The following NECTIN3 variants were observed in gnomAD, a reference collection of about 807,000 sequenced individuals.
The protein encoded by NECTIN3 is nectin-3.
Under a neutral mutation model 49.4 loss-of-function variants are expected in NECTIN3, and 8 were observed. The ratio of observed to expected loss-of-function variants is 0.16; its 90% CI spans 0.10 to 0.29. The LOEUF (loss-of-function observed/expected upper bound fraction) is 0.29, where lower values mean the gene tolerates loss of function less well. NECTIN3 is among the 10% of genes least tolerant of loss of function. The pLI, the probability that NECTIN3 is intolerant of heterozygous loss-of-function variation, is 1.00. For synonymous variants in NECTIN3, 277 were observed against 241.1 expected (o/e 1.15, Z -1.38); for missense variants, 581 against 654.6 (o/e 0.89, Z 1.23).
At chr3:111,164,065 G>A (rs1576172795) in intron 7 of NECTIN3, among the ~76,000 whole-genome samples, 1 of 151,582 alleles carries the variant, frequency 6.6e-6, no homozygotes, top group African/African-American at 2.4e-5. Flanking sequence ...AGTACCAAAT[G>A]TGCGAAGTAT....
chr3:111,105,346 T>G (rs2033132149), intron 1 of NECTIN3, among the ~76,000 whole-genome samples: 1 of 152,048 alleles, frequency 6.6e-6, no homozygotes. Context: ...TTGCCCAGGC[T>G]GGTCTTAAAT....
upstream of NECTIN3, among the ~76,000 whole-genome samples, chr3:111,187,676 TAC>T (rs1327045346): frequency 3.3e-5 from 5 of 152,322 alleles, no homozygotes; most frequent in Admixed American, 1.3e-4. Flanking sequence ...AAATGCATAT[TAC>T]AGAGTGAAAG....
intron 7 of NECTIN3, among the ~76,000 whole-genome samples, chr3:111,152,788 T>C (rs2035026537): frequency 6.6e-6 from 1 of 151,980 alleles, no homozygotes; most frequent in South Asian, 2.1e-4. Context: ...TTTAAGGATA[T>C]AAGTTCAAGA....
rs2034592318 is a variant in NECTIN3, at chr3:111,136,772, G to T, written c.*2557G>T. 5 of 931,144 alleles carry T rather than the reference G, an allele frequency of 5.4e-6. No individual in the cohort carries two copies. The highest frequency in any genetic ancestry group is 5.0e-5 in the South Asian group (1 of 20,142). The allele number at this position is 931,144 out of a possible 1,614,324, so 57.7% of individuals were successfully genotyped here. On this transcript the variant is annotated 3_prime_UTR_variant, in exon 6 of 6. Transcript: ENST00000485303. ...TAGCATTTTGTAAATTCACTTGAGA[G>T]TTTTCTTTCATACTGGTTAAAATAT... is the stretch of plus-strand genomic sequence containing the variant.
intron 7 of NECTIN3, among the ~76,000 whole-genome samples, chr3:111,167,169 A>G (rs1871024): frequency 0.022 from 3,280 of 152,284 alleles, 115 homozygotes; most frequent in African/African-American, 0.074. Flanking sequence ...AATTTTTGCA[A>G]TGAGTCAAAA....
chr3:111,092,482 A>G (rs1449580938), intron 1 of NECTIN3, among the ~76,000 whole-genome samples: 1 of 152,166 alleles, frequency 6.6e-6, no homozygotes, highest in African/African-American at 2.4e-5. Flanking sequence ...TGTATGGTAC[A>G]AGGAAAGAGT....
At chr3:111,185,905 A>G (rs1278489916) in intron 7 of NECTIN3, among the ~76,000 whole-genome samples, 1 of 152,228 alleles carries the variant, frequency 6.6e-6, no homozygotes, top group African/African-American at 2.4e-5. Context: ...GGAAAGAGTA[A>G]TTATAAAATG....
intron 7 of NECTIN3, among the ~76,000 whole-genome samples, chr3:111,186,595 G>GAATA (rs2035723976): frequency 1.3e-5 from 2 of 152,254 alleles, no homozygotes; most frequent in African/African-American, 2.4e-5. Context: ...TTACCTGGGT[G>GAATA]ATGAAATAAT....
chr3:111,110,903 A>C (rs2033430562), intron 1 of NECTIN3, among the ~76,000 whole-genome samples: 1 of 152,054 alleles, frequency 6.6e-6, no homozygotes, highest in Admixed American at 6.6e-5. Context: ...ATAATATTGC[A>C]TAAAGTTTTT....
chr3:111,192,245 A>T (rs1320277094), upstream of NECTIN3: 2 of 1,007,956 alleles, frequency 2.0e-6, no homozygotes, highest in Admixed American at 4.8e-5. Flanking sequence ...TAGTTGGTAG[A>T]CATTTATAAC....
At chr3:111,115,891 G>A (rs550182546) in intron 2 of NECTIN3, among the ~76,000 whole-genome samples, 6 of 152,316 alleles carry the variant, frequency 3.9e-5, no homozygotes, top group Admixed American at 3.3e-4. Flanking sequence ...GCTTTTGAAA[G>A]TTTGTGATTA....
At chr3:111,141,787 C>T (rs1225040917), downstream of NECTIN3, among the ~76,000 whole-genome samples, 3 of 151,860 alleles carry the variant, frequency 2.0e-5, no homozygotes, top group Admixed American at 2.0e-4. Context: ...TGTTTTCTGC[C>T]TCTTGTAAGC....
intron 1 of NECTIN3, among the ~76,000 whole-genome samples, chr3:111,087,934 G>A (rs1321205577): frequency 6.6e-6 from 1 of 152,014 alleles, no homozygotes; most frequent in East Asian, 2.0e-4. Context: ...CTGACCTCAA[G>A]CAATCTACCC....
At position 111,134,426 on chromosome 3, in the gene NECTIN3, T is replaced by C. The variant is rs900813901; in HGVS notation, c.*211T>C. On this transcript the variant is annotated 3_prime_UTR_variant, in exon 6 of 6. Coordinates refer to ENST00000485303, the MANE Select transcript of NECTIN3 (RefSeq NM_015480.3). Reference sequence around the variant, plus strand: ...CAATTTTTTTTCAATGCTGTACTACTGTCTCAAGATTTAAATTTTAATGCA... The same window carrying C: ...CAATTTTTTTTCAATGCTGTACTACCGTCTCAAGATTTAAATTTTAATGCA... 2 of 1,249,262 alleles carry C rather than the reference T, an allele frequency of 1.6e-6. No homozygotes were observed. The highest frequency in any genetic ancestry group is 3.9e-5 in the Admixed American group (1 of 25,476). 77.4% of individuals were successfully genotyped at this position (1,249,262 alleles called of 1,614,324 possible).
chr3:111,109,833 G>A (rs1213882394), intron 1 of NECTIN3, among the ~76,000 whole-genome samples: 1 of 151,796 alleles, frequency 6.6e-6, no homozygotes, highest in Non-Finnish European at 1.5e-5. Flanking sequence ...CACTATAATT[G>A]CATTGCATTT....
intron 7 of NECTIN3, among the ~76,000 whole-genome samples, chr3:111,182,678 A>C (rs2035647935): frequency 6.6e-6 from 1 of 151,774 alleles, no homozygotes. Flanking sequence ...ATTTGTGTAT[A>C]GTGTGTGTTT....
chr3:111,156,991 A>G (rs973333315), intron 7 of NECTIN3, among the ~76,000 whole-genome samples: 5 of 152,148 alleles, frequency 3.3e-5, no homozygotes, highest in East Asian at 3.8e-4. Flanking sequence ...TTTTAAATAC[A>G]TATATCACTT....
upstream of NECTIN3, among the ~76,000 whole-genome samples, chr3:111,187,854 A>G (rs114390807): frequency 2.9e-3 from 445 of 152,314 alleles, 3 homozygotes; most frequent in African/African-American, 0.01. Context: ...GTGTGATACT[A>G]CAAGAGTAGA....
At chr3:111,145,870 C>G (rs1317985737) in intron 6 of NECTIN3, among the ~76,000 whole-genome samples, 1 of 152,148 alleles carries the variant, frequency 6.6e-6, no homozygotes, top group East Asian at 1.9e-4. Flanking sequence ...CTTTGCTTCT[C>G]TAATTTGGCA....
Sources: allele counts gnomAD v4.1 joint callset (sites outside exome capture counted in the v4.1 genomes callset), GRCh38; gene constraint gnomAD v4.1.1; transcripts MANE v1.5; gene names NCBI Gene and HGNC (gene_info 2026-07-23, HGNC 2026-07-21).